The following SLC1A1 variants were observed in gnomAD, a reference collection of about 807,000 sequenced individuals.
SLC1A1 encodes the protein excitatory amino acid transporter 3.
Under a neutral mutation model 53.3 loss-of-function variants are expected in SLC1A1, and 43 were observed. The observed-to-expected ratio is 0.81, with a 90% confidence interval of 0.63 to 1.04. The LOEUF is 1.04. Among genes scored for constraint, SLC1A1 ranks in the 50% least tolerant of loss-of-function variants. The pLI is 0.00. For synonymous variants in SLC1A1, 307 were observed against 243.2 expected, an observed-to-expected ratio of 1.26 and a Z score of -2.44; for missense variants, 748 against 664.9, an observed-to-expected ratio of 1.12 and a Z score of -1.37.
At chr9:4,505,788 C>A (rs1820788084) in intron 1 of SLC1A1, among the ~76,000 whole-genome samples, 1 of 152,180 alleles carries the variant, frequency 6.6e-6, no homozygotes, top group African/African-American at 2.4e-5. Flanking sequence ...TCCCGAGTAG[C>A]TGGGATTATA....
intron 1 of SLC1A1, among the ~76,000 whole-genome samples, chr9:4,536,855 A>G (rs1816694861): frequency 6.6e-6 from 1 of 152,166 alleles, no homozygotes; most frequent in Non-Finnish European, 1.5e-5. Flanking sequence ...ATGGAATACT[A>G]TGCAGCCATA....
At chr9:4,571,329 A>G (rs1366947198) in intron 6 of SLC1A1, among the ~76,000 whole-genome samples, 1 of 148,316 alleles carries the variant, frequency 6.7e-6, no homozygotes, top group Non-Finnish European at 1.5e-5. Flanking sequence ...AACAAACCCC[A>G]TGACACCCTG....
At chr9:4,493,982 G>C (rs563689428) in intron 1 of SLC1A1, among the ~76,000 whole-genome samples, 1 of 152,274 alleles carries the variant, frequency 6.6e-6, no homozygotes, top group South Asian at 2.1e-4. Context: ...TCAAATTCTT[G>C]TTCACAAGAT....
chr9:4,524,952 G>T (rs898440517), intron 1 of SLC1A1, among the ~76,000 whole-genome samples: 5 of 152,214 alleles, frequency 3.3e-5, no homozygotes, highest in Admixed American at 1.3e-4. Flanking sequence ...GCTCCCACTG[G>T]GCCCTGCCTT....
Position 4,561,431 on chromosome 9 carries a change from T to A in SLC1A1, c.233-18T>A. The A allele has an allele frequency of 6.8e-7, 1 of 1,465,402 alleles. No individual in the cohort carries two copies. The highest frequency in any genetic ancestry group is 1.1e-5 in the South Asian group (1 of 88,080). 90.8% of individuals were successfully genotyped at this position (1,465,402 alleles called of 1,614,324 possible). A position where few individuals can be genotyped will look rare whatever the true frequency, so the allele number is the denominator to read the frequency against. ...GTCTTTTAAAATTAATGTAATTTGATTTCTGTCTCCCCTTCAGGTGTTGCT... is the reference window on the plus strand; with the variant it reads ...GTCTTTTAAAATTAATGTAATTTGAATTCTGTCTCCCCTTCAGGTGTTGCT... On this transcript the variant is annotated intron_variant, in intron 2 of 11. Coordinates refer to ENST00000262352, the MANE Select transcript of SLC1A1 (RefSeq NM_004170.6).
At chr9:4,510,838 C>T (rs996168369) in intron 1 of SLC1A1, among the ~76,000 whole-genome samples, 2 of 152,140 alleles carry the variant, frequency 1.3e-5, no homozygotes, top group African/African-American at 4.8e-5. Flanking sequence ...AGACCAGGGT[C>T]CCTCCCTCAT....
At chr9:4,532,488 T>C (rs1374759166) in intron 1 of SLC1A1, among the ~76,000 whole-genome samples, 2 of 151,796 alleles carry the variant, frequency 1.3e-5, no homozygotes, top group Non-Finnish European at 2.9e-5. Context: ...ATGAATGAAA[T>C]GAAGTGAGAA....
intron 1 of SLC1A1, among the ~76,000 whole-genome samples, chr9:4,505,240 G>A (rs1018210593): frequency 4.6e-5 from 7 of 151,752 alleles, no homozygotes; most frequent in African/African-American, 1.7e-4. Flanking sequence ...ATAAAGATGG[G>A]GTTTCACCAT....
chr9:4,521,275 T>A (rs1816061166), intron 1 of SLC1A1, among the ~76,000 whole-genome samples: 1 of 152,226 alleles, frequency 6.6e-6, no homozygotes. Context: ...AGCTTGGTTG[T>A]CTCTACCAGG....
intron 1 of SLC1A1, among the ~76,000 whole-genome samples, chr9:4,541,737 C>G (rs1347484688): frequency 6.6e-6 from 1 of 152,156 alleles, no homozygotes; most frequent in Admixed American, 6.5e-5. Context: ...CTGAGATTTT[C>G]AATTATTTAT....
intron 1 of SLC1A1, among the ~76,000 whole-genome samples, chr9:4,497,905 G>T (rs1330191511): frequency 6.6e-6 from 1 of 152,140 alleles, no homozygotes; most frequent in Non-Finnish European, 1.5e-5. Context: ...GAGCAAAGAA[G>T]ATTCTATTCA....
At position 4,544,654 on chromosome 9, in the gene SLC1A1, T is replaced by C; in HGVS notation, c.179T>C (p.Met60Thr). ...FYFAFPGEIL[M>T]RMLKLIILPL... The stretch of plus-strand genomic sequence containing the variant: ...TTTGCTTTTCCTGGAGAAATTCTAA[T>C]GCGGATGCTGAAACTCATCATTTTG... The change falls in exon 2 of 12, where the codon ATG becomes ACG. Residue 60 changes from methionine to threonine, a missense_variant. Physicochemically the swap from Met to Thr is moderately conservative, Grantham distance 81. Coordinates refer to ENST00000262352, the MANE Select transcript of SLC1A1 (RefSeq NM_004170.6). 1 of 1,613,818 alleles carries C rather than the reference T, an allele frequency of 6.2e-7. No homozygotes were observed. The highest frequency in any genetic ancestry group is 8.5e-7 in the Non-Finnish European group (1 of 1,179,698).
In SLC1A1 at chr9:4,572,389, G is replaced by A; in HGVS notation, c.767+1G>A. On this transcript the variant is annotated splice_donor_variant, in intron 7 of 11. Coordinates refer to ENST00000262352, the MANE Select transcript of SLC1A1 (RefSeq NM_004170.6). LOFTEE classifies it high-confidence loss of function. ...TGAAAATCGTTCAGATCATCATGTG[G>A]TGAGCAGACACTGTTTAATGTCATT... 6.2e-7 allele frequency: 1 copy of A among 1,612,284 alleles called. No individual in the cohort carries two copies. Among genetic ancestry groups the A allele is most frequent in the Non-Finnish European group, 8.5e-7 (1 of 1,178,326 alleles).
At chr9:4,576,167 G>C in intron 9 of SLC1A1, 44 bp downstream of exon 9, 1 of 1,591,754 alleles carries the variant, frequency 6.3e-7, no homozygotes, top group Non-Finnish European at 8.6e-7. Context: ...CAGGCTCAAC[G>C]TTATCAACTC....
At chr9:4,525,172 C>T (rs1816215746) in intron 1 of SLC1A1, among the ~76,000 whole-genome samples, 1 of 152,100 alleles carries the variant, frequency 6.6e-6, no homozygotes, top group Non-Finnish European at 1.5e-5. Context: ...TTGGCCCTGC[C>T]CTTGGAAACA....
At chr9:4,493,683 G>C (rs1001102173) in intron 1 of SLC1A1, among the ~76,000 whole-genome samples, 2 of 152,212 alleles carry the variant, frequency 1.3e-5, no homozygotes, top group African/African-American at 4.8e-5. Flanking sequence ...TAGGAGGAAT[G>C]AGTGAGTTCA....
intron 8 of SLC1A1, among the ~76,000 whole-genome samples, chr9:4,574,556 T>C (rs1276761941): frequency 1.3e-5 from 2 of 152,014 alleles, no homozygotes; most frequent in African/African-American, 4.8e-5. Flanking sequence ...TGGGAGGAAT[T>C]GTGTGGGCCT....
intron 2 of SLC1A1, 114 bp from the exon 3 acceptor site, chr9:4,561,335 T>C (rs138845892): frequency 3.9e-6 from 3 of 769,878 alleles, no homozygotes; most frequent in Non-Finnish European, 7.1e-6. Flanking sequence ...TTGCCCATTG[T>C]CTGTAGATGA....
chr9:4,567,194 G>A (rs1819572519), intron 5 of SLC1A1, among the ~76,000 whole-genome samples: 1 of 152,212 alleles, frequency 6.6e-6, no homozygotes, highest in Admixed American at 6.5e-5. Flanking sequence ...GGGGACTGTT[G>A]ATTTTGGAAC....
Sources: allele counts gnomAD v4.1 joint callset (sites outside exome capture counted in the v4.1 genomes callset), GRCh38; gene constraint gnomAD v4.1.1; transcripts MANE v1.5; gene names NCBI Gene and HGNC (gene_info 2026-07-23, HGNC 2026-07-21).